PCSK6: variants seen among roughly 807,000 people sequenced by gnomAD.
PCSK6 encodes the protein paired basic amino acid cleaving enzyme 4.
A neutral mutation model predicts 123.3 loss-of-function variants in PCSK6; 85 were observed. The ratio of observed to expected loss-of-function variants is 0.69; its 90% CI spans 0.58 to 0.83. The LOEUF is 0.83. PCSK6 is among the 40% of genes least tolerant of loss of function. PCSK6 has a pLI of 0.00. For synonymous variants in PCSK6, 508 were observed against 516.0 expected (o/e 0.98, Z 0.21); for missense variants, 1,191 against 1,282.3 (o/e 0.93, Z 1.09).
Position 101,304,293 on chromosome 15 carries a change from T to C in PCSK6, c.*965A>G, listed in dbSNP as rs899534464. 2.6e-5 allele frequency: 4 copies of C among 152,584 alleles called. No homozygotes were observed. Among genetic ancestry groups the C allele is most frequent in the African/African-American group, 9.6e-5 (4 of 41,470 alleles). The allele number at this position is 152,584 out of a possible 1,614,324, so 9.5% of individuals were successfully genotyped here. On this transcript the variant is annotated 3_prime_UTR_variant, in exon 22 of 22. Coordinates refer to ENST00000611716, the MANE Select transcript of PCSK6 (RefSeq NM_002570.5). ...AATCCAACTGTGTCATGTAGGCTTG[T>C]AATATACACAGACACAGGAGTTTCC...
At chr15:101,357,159 G>C (rs1461168352) in intron 13 of PCSK6, among the ~76,000 whole-genome samples, 1 of 152,200 alleles carries the variant, frequency 6.6e-6, no homozygotes. Context: ...CCTGCCCCAA[G>C]CACAGGTTCT....
intron 15 of PCSK6, among the ~76,000 whole-genome samples, chr15:101,329,450 C>A (rs903873939): frequency 1.4e-4 from 21 of 152,180 alleles, no homozygotes; most frequent in African/African-American, 3.9e-4. Flanking sequence ...ACAAGAGGTG[C>A]CCACGAGAAT....
At chr15:101,467,707 C>CAT (rs2057497515) in intron 1 of PCSK6, among the ~76,000 whole-genome samples, 1 of 152,340 alleles carries the variant, frequency 6.6e-6, no homozygotes, top group African/African-American at 2.4e-5. Flanking sequence ...GGGCCATAGC[C>CAT]ACACTGTGGC....
In PCSK6 at chr15:101,350,260, G is replaced by A. The variant is rs145693100; in HGVS notation, c.1858+15936C>T. 3.7e-3 allele frequency among the ~76,000 whole-genome samples: 562 copies of A among 152,204 alleles called. 4 individuals are homozygous for A. The highest frequency in any genetic ancestry group is 6.1e-3 in the Non-Finnish European group (412 of 68,010). ...AATGTTGACTATCTTGTGTTTACTG[G>A]TTATTTGTATGTTTTCTTTACGAAT... On this transcript the variant is annotated intron_variant, in intron 13 of 21. Transcript: ENST00000611716.
Position 101,322,576 on chromosome 15 carries a change from G to T in PCSK6, c.2409C>A (p.Ser803Arg), listed in dbSNP as rs750935559. The T allele has an allele frequency of 4.3e-6, 7 of 1,613,570 alleles. No homozygotes were observed. Among genetic ancestry groups the T allele is most frequent in the Non-Finnish European group, 5.9e-6 (7 of 1,179,588 alleles). Residue 803 changes from serine to arginine, a missense_variant, in exon 18 of 22, where the codon AGC becomes AGA. Ser to Arg is a moderately radical substitution (Grantham distance 110). Coordinates refer to ENST00000611716, the MANE Select transcript of PCSK6 (RefSeq NM_002570.5). Reference protein sequence around the residue: ...SQKNCLKCHPSCKKCVDEPEK... With the variant: ...SQKNCLKCHPRCKKCVDEPEK... ...CAGGTTCATCCACGCACTTTTTACAGCTTGGGTGGCATTTAAGGCAATTTT... is the reference window on the plus strand; with the variant it reads ...CAGGTTCATCCACGCACTTTTTACATCTTGGGTGGCATTTAAGGCAATTTT...
In PCSK6 at chr15:101,304,887, C is replaced by T. The variant is rs879640992; in HGVS notation, c.*371G>A. 5 of 188,556 alleles carry T rather than the reference C, an allele frequency of 2.7e-5. No individual in the cohort carries two copies. Among genetic ancestry groups the T allele is most frequent in the African/African-American group, 9.4e-5 (4 of 42,552 alleles). The allele number at this position is 188,556 out of a possible 1,614,324, so 11.7% of individuals were successfully genotyped here. On this transcript the variant is annotated 3_prime_UTR_variant, in exon 22 of 22. Transcript: ENST00000611716. ...TTTACTACACAGCCGCAGAAAAGCA[C>T]GGGGAGAAGAGTGATGTGTGATGCC...
chr15:101,358,589 G>A (rs1221504413), intron 13 of PCSK6, among the ~76,000 whole-genome samples: 1 of 152,192 alleles, frequency 6.6e-6, no homozygotes. Flanking sequence ...CACATGGCAG[G>A]ACCTCTGCAA....
intron 1 of PCSK6, among the ~76,000 whole-genome samples, chr15:101,451,265 G>A (rs1049541298): frequency 2.0e-5 from 3 of 151,422 alleles, no homozygotes; most frequent in Non-Finnish European, 4.4e-5. Flanking sequence ...GAAGCACGCC[G>A]AATCTACCCC....
intron 13 of PCSK6, among the ~76,000 whole-genome samples, chr15:101,339,642 C>CA (rs1349586248): frequency 6.6e-6 from 1 of 152,016 alleles, no homozygotes; most frequent in Non-Finnish European, 1.5e-5. Flanking sequence ...CACAGTAGCT[C>CA]ACGCTTGTGA....
chr15:101,447,048 T>C (rs113358309), intron 1 of PCSK6, among the ~76,000 whole-genome samples: 4,940 of 152,236 alleles, frequency 0.032, 120 homozygotes, highest in East Asian at 0.066. Context: ...CACAGGCCCA[T>C]TGAAAGTCTC....
intron 6 of PCSK6, among the ~76,000 whole-genome samples, chr15:101,425,125 C>G (rs1025082494): frequency 4.6e-5 from 7 of 152,164 alleles, no homozygotes; most frequent in Admixed American, 1.3e-4. Context: ...ACTTGACTAC[C>G]CGTGAGAGTG....
rs915146681 is a variant in PCSK6 at position 101,331,575 on chromosome 15, T to G, written c.2077+76A>C. ...TAACTTACCAGGGGGCAAGACCCCA[T>G]TCTGGTTGGGCATATAGACCCTGCT... On this transcript the variant is annotated intron_variant, in intron 15 of 21. Coordinates refer to ENST00000611716, the MANE Select transcript of PCSK6 (RefSeq NM_002570.5). 6 of 1,378,982 alleles carry G rather than the reference T, an allele frequency of 4.4e-6. No individual in the cohort carries two copies. In the African/African-American group the frequency reaches 8.5e-5, roughly 20 times the overall value. 85.4% of individuals were successfully genotyped at this position (1,378,982 alleles called of 1,614,324 possible). A position where few individuals can be genotyped will look rare whatever the true frequency, so the allele number is the denominator to read the frequency against.
chr15:101,486,644 G>A (rs1267982865), intron 1 of PCSK6, among the ~76,000 whole-genome samples: 1 of 152,180 alleles, frequency 6.6e-6, no homozygotes, highest in African/African-American at 2.4e-5. Context: ...GCCTTTATCA[G>A]GTGCTGAAAG....
chr15:101,411,478 C>A (rs188284248), intron 6 of PCSK6, among the ~76,000 whole-genome samples: 1 of 152,116 alleles, frequency 6.6e-6, no homozygotes. Context: ...AGACCCCTGC[C>A]GTCAGACCAG....
chr15:101,393,085 TG>T, intron 8 of PCSK6, 126 bp downstream of exon 8: 2 of 819,532 alleles, frequency 2.4e-6, no homozygotes, highest in South Asian at 2.9e-5. Context: ...TGGGTGAGGC[TG>T]GGACCCTGGG....
At chr15:101,355,919 T>A (rs1425600629) in intron 13 of PCSK6, among the ~76,000 whole-genome samples, 1 of 152,114 alleles carries the variant, frequency 6.6e-6, no homozygotes, top group African/African-American at 2.4e-5. Flanking sequence ...CTCTCTTCAG[T>A]GACTTGGTCT....
rs147708304 is a variant in PCSK6 at position 101,317,095 on chromosome 15, A to G, written c.2569+1224T>C. On this transcript the variant is annotated intron_variant, in intron 19 of 21. Transcript: ENST00000611716. ...CCTGGCTAATTTTTGTATTTTTAGTAGAGATGGGGTTTCACCATGTTGGCC... is the reference window on the plus strand; with the variant it reads ...CCTGGCTAATTTTTGTATTTTTAGTGGAGATGGGGTTTCACCATGTTGGCC... Among the ~76,000 whole-genome samples, 857 of 152,076 alleles carry G rather than the reference A, an allele frequency of 5.6e-3. 25 individuals are homozygous for G. In the East Asian group the frequency reaches 0.067, roughly 12 times the overall value.
At chr15:101,404,295 C>T (rs1466453527) in intron 6 of PCSK6, among the ~76,000 whole-genome samples, 2 of 152,300 alleles carry the variant, frequency 1.3e-5, no homozygotes, top group Middle Eastern at 3.4e-3. Flanking sequence ...CAGGGCAGAG[C>T]CACCTCTAGG....
In PCSK6 at chr15:101,305,224, G is replaced by C; in HGVS notation, c.*34C>G. ...AGGAAGGTGGACGGATGGATGGATG[G>C]GAGTGCCTGCCCTCTGTGGGCAGCT... On this transcript the variant is annotated 3_prime_UTR_variant, in exon 22 of 22. Coordinates refer to ENST00000611716, the MANE Select transcript of PCSK6 (RefSeq NM_002570.5). This position sits in a 1 kb window ranked among gnomAD's most constrained non-coding sequence, Gnocchi z 4.8. 6.5e-7 allele frequency: 1 copy of C among 1,529,194 alleles called. No homozygotes were observed. Among genetic ancestry groups the C allele is most frequent in the Non-Finnish European group, 9.0e-7 (1 of 1,114,090 alleles). 94.7% of individuals were successfully genotyped at this position (1,529,194 alleles called of 1,614,324 possible).
Sources: allele counts gnomAD v4.1 joint callset (sites outside exome capture counted in the v4.1 genomes callset), GRCh38; gene constraint gnomAD v4.1.1; non-coding constraint Gnocchi (gnomAD v3.1); transcripts MANE v1.5; gene names NCBI Gene and HGNC (gene_info 2026-07-23, HGNC 2026-07-21).